BANP: variants seen among roughly 807,000 people sequenced by gnomAD.
BANP encodes protein BANP.
A neutral mutation model predicts 68.1 loss-of-function variants in BANP; 11 were observed. The ratio of observed to expected loss-of-function variants is 0.16; its 90% CI spans 0.10 to 0.27. The LOEUF (loss-of-function observed/expected upper bound fraction) is 0.27. Ranked by LOEUF, BANP falls within the 10% of genes least tolerant of loss-of-function variation. The pLI, the probability that BANP is intolerant of heterozygous loss-of-function variation, is 1.00. For missense variants in BANP, 504 were observed against 722.7 expected, an observed-to-expected ratio of 0.70 and a Z score of 3.47; for synonymous variants, 329 against 303.2, an observed-to-expected ratio of 1.09 and a Z score of -0.88.
Position 88,057,584 on chromosome 16 carries a change from G to A in BANP, c.1312-7683G>A, listed in dbSNP as rs1484266878. Among the ~76,000 whole-genome samples the A allele has an allele frequency of 1.3e-5, 2 of 152,080 alleles. No individual in the cohort carries two copies. Among genetic ancestry groups the A allele is most frequent in the Non-Finnish European group, 2.9e-5 (2 of 68,010 alleles). ...CGGCTTTTCCCTCATGCAAAATGCA[G>A]GCACTCTGACTGGCCCACGTTGTGT... On this transcript the variant is annotated intron_variant, in intron 11 of 13. Coordinates refer to ENST00000682872, the MANE Select transcript of BANP (RefSeq NM_001386991.1). The surrounding 1 kb of genome is among the most constrained non-coding windows in gnomAD (Gnocchi z 4.6).
chr16:87,952,465 G>A (rs1168000464), intron 1 of BANP: 2 of 152,344 alleles, frequency 1.3e-5, no homozygotes, highest in African/African-American at 4.8e-5. Context: ...GTACTCCAGG[G>A]CCTGATGGCG....
chr16:87,973,776 A>AAAAAAG (rs2061557170), intron 1 of BANP, among the ~76,000 whole-genome samples: 1 of 150,456 alleles, frequency 6.6e-6, no homozygotes, highest in East Asian at 1.9e-4. Context: ...AAAAAAAAAG[A>AAAAAAG]AAAAAGAAAA....
intron 7 of BANP, among the ~76,000 whole-genome samples, chr16:88,025,588 G>T (rs1277443153): frequency 6.6e-6 from 1 of 152,140 alleles, no homozygotes; most frequent in Non-Finnish European, 1.5e-5. Flanking sequence ...TTTGTCTGCA[G>T]CACAGACAGG....
intron 13 of BANP, among the ~76,000 whole-genome samples, chr16:88,073,850 C>G (rs1291684927): frequency 6.6e-6 from 1 of 152,258 alleles, no homozygotes; most frequent in African/African-American, 2.4e-5. Flanking sequence ...GTTTACACCC[C>G]TAGCTTCCTG....
chr16:88,003,885 G>T lies in BANP; in HGVS notation c.363-410G>T. On this transcript the variant is annotated intron_variant, in intron 4 of 13. Coordinates refer to ENST00000682872, the MANE Select transcript of BANP (RefSeq NM_001386991.1). This position sits in a 1 kb window ranked among gnomAD's most constrained non-coding sequence, Gnocchi z 6.1. ...AGATCTGTCCCATAGGAATGAGTTG[G>T]GATGGAGTGACTGAAAATGTCAAGC... 6.7e-6 allele frequency: 2 copies of T among 298,150 alleles called. No homozygotes were observed. Among genetic ancestry groups the T allele is most frequent in the Non-Finnish European group, 1.3e-5 (2 of 153,772 alleles). The allele number at this position is 298,150 out of a possible 1,614,324, so 18.5% of individuals were successfully genotyped here. A position where few individuals can be genotyped will look rare whatever the true frequency, so the allele number is the denominator to read the frequency against.
intron 7 of BANP, among the ~76,000 whole-genome samples, chr16:88,024,933 C>A (rs1414422304): frequency 6.6e-6 from 1 of 152,226 alleles, no homozygotes; most frequent in South Asian, 2.1e-4. Context: ...CTTACCTATA[C>A]ACCTGGGTGT....
rs759989063 is a variant in BANP, at chr16:88,006,237, C to T, written c.627C>T (p.Asn209=). 13 of 1,609,670 alleles carry T rather than the reference C, an allele frequency of 8.1e-6. No homozygotes were observed. Among genetic ancestry groups the T allele is most frequent in the African/African-American group, 6.7e-5 (5 of 74,902 alleles). The change falls in exon 6 of 14, where the codon AAC becomes AAT. Residue 209 remains asparagine (N), a synonymous_variant. Coordinates refer to ENST00000682872, the MANE Select transcript of BANP (RefSeq NM_001386991.1). ...GQAGSQSIGS[N]VTLITLNSEE... is the part of the protein sequence containing the mutation. ...CGGGCAGTCAGAGCATCGGGAGCAA[C>T]GTCACGCTCATCACCCTGAACTCGG...
intron 11 of BANP, among the ~76,000 whole-genome samples, chr16:88,044,022 C>T (rs2081391803): frequency 6.6e-6 from 1 of 152,156 alleles, no homozygotes. Flanking sequence ...GGTGGATAGA[C>T]CAGTTGGCCA....
intron 11 of BANP, among the ~76,000 whole-genome samples, chr16:88,062,862 T>C (rs887438141): frequency 1.3e-5 from 2 of 152,188 alleles, no homozygotes; most frequent in African/African-American, 4.8e-5. Context: ...TTGGGGTTCT[T>C]TTCATCACAG....
rs369815351 is a variant in BANP at position 87,995,334 on chromosome 16, A to G, written c.363-8961A>G. On this transcript the variant is annotated intron_variant, in intron 4 of 13. Transcript: ENST00000682872. ...CAGCTCCTCTTTTTGTAAGTACATT[A>G]CGTCAAACCAGTTTCTTCTTTTATT... 4.6e-5 allele frequency among the ~76,000 whole-genome samples: 7 copies of G among 152,302 alleles called. No homozygotes were observed. In the East Asian group the frequency reaches 9.6e-4, roughly 21 times the overall value.
At chr16:88,063,559 A>G (rs1303824348) in intron 11 of BANP, among the ~76,000 whole-genome samples, 1 of 152,192 alleles carries the variant, frequency 6.6e-6, no homozygotes, top group Non-Finnish European at 1.5e-5. Flanking sequence ...TTCTGTGCAC[A>G]AGCTCCTGTG....
At chr16:88,027,802 G>A (rs988057108) in intron 8 of BANP, 152 bp downstream of exon 8, 1 of 946,780 alleles carries the variant, frequency 1.1e-6, no homozygotes, top group African/African-American at 1.7e-5. Flanking sequence ...GAGCAGTGGA[G>A]CCGCAGGACC....
chr16:88,052,314 G>C (rs1030606942), intron 11 of BANP, among the ~76,000 whole-genome samples: 2 of 152,108 alleles, frequency 1.3e-5, no homozygotes, highest in East Asian at 1.9e-4. Context: ...CATTAACTCA[G>C]GGGCCCCTCT....
chr16:88,066,741 T>C (rs1027476710), intron 12 of BANP, among the ~76,000 whole-genome samples: 8 of 152,224 alleles, frequency 5.3e-5, no homozygotes, highest in African/African-American at 1.7e-4. Flanking sequence ...AGTTTTTTTT[T>C]CCCCCAGAAA....
chr16:88,076,631 G>A lies in BANP; in HGVS notation c.1563G>A (p.Gln521=), dbSNP rs1196455437. 95 of 1,610,894 alleles carry A rather than the reference G, an allele frequency of 5.9e-5. No homozygotes were observed. Among genetic ancestry groups the A allele is most frequent in the Non-Finnish European group, 8.0e-5 (94 of 1,179,696 alleles). ...ALQPTLQPEM[Q]LEHGAIQIQ Reference sequence around the variant, plus strand: ...AGCCCACGCTACAGCCGGAGATGCAGCTCGAGCACGGGGCCATCCAGATTC... The same window carrying A: ...AGCCCACGCTACAGCCGGAGATGCAACTCGAGCACGGGGCCATCCAGATTC... The change falls in exon 14 of 14, where the codon CAG becomes CAA. Residue 521 remains glutamine (Q), a synonymous_variant. Transcript: ENST00000682872.
In BANP at chr16:88,006,074, T is replaced by G; in HGVS notation, c.480-16T>G. The stretch of plus-strand genomic sequence containing the variant: ...CTCTTACCACATCGGGCTGGTGTGT[T>G]TTTTTTCCCGTTTAGCGCTGTGCCT... On this transcript the variant is annotated splice_polypyrimidine_tract_variant and intron_variant, in intron 5 of 13. Transcript: ENST00000682872. The G allele has an allele frequency of 6.2e-7, 1 of 1,613,570 alleles. No individual in the cohort carries two copies. The highest frequency in any genetic ancestry group is 8.5e-7 in the Non-Finnish European group (1 of 1,179,862).
intron 11 of BANP, among the ~76,000 whole-genome samples, chr16:88,055,221 A>G (rs530376751): frequency 1.2e-4 from 18 of 152,154 alleles, no homozygotes; most frequent in Non-Finnish European, 7.4e-5. Flanking sequence ...TCACTGGAAA[A>G]GCTAGGAGGT....
intron 11 of BANP, among the ~76,000 whole-genome samples, chr16:88,060,019 C>G (rs1404515075): frequency 6.6e-6 from 1 of 152,236 alleles, no homozygotes; most frequent in Non-Finnish European, 1.5e-5. Context: ...CTTGGCGCAG[C>G]TGTCTGTCTC....
upstream of BANP, chr16:87,949,528 C>T (rs948050476): frequency 3.3e-5 from 5 of 152,248 alleles, no homozygotes; most frequent in Admixed American, 2.0e-4. Flanking sequence ...GCAAACTCAG[C>T]TTGTGCCTCT....
Sources: gnomAD v4.1 joint callset for allele counts (sites outside exome capture counted in the v4.1 genomes callset) on GRCh38, gnomAD v4.1.1 for gene constraint, Gnocchi (gnomAD v3.1) non-coding constraint, MANE v1.5 for transcripts, NCBI Gene and HGNC (gene_info 2026-07-23, HGNC 2026-07-21) for gene names.